Variants in DOK7 observed in about 807,000 individuals in gnomAD.
DOK7 encodes the protein protein Dok-7.
DOK7 carries 32 observed loss-of-function variants against 30.7 expected under a neutral mutation model. The observed-to-expected ratio is 1.04, with a 90% CI of 0.79 to 1.40. The LOEUF (loss-of-function observed/expected upper bound fraction) is 1.40. DOK7 is among the 40% of genes most tolerant of loss of function. The probability of loss-of-function intolerance (pLI) is 0.00; values close to 1 mark genes in which losing one functional copy is unlikely to be tolerated. For missense variants in DOK7, 1,007 were observed against 699.2 expected (o/e 1.44, Z -4.97); for synonymous variants, 447 against 324.1 (o/e 1.38, Z -4.07).
chr4:3,470,079 C>T (rs907140990), intron 2 of DOK7, among the ~76,000 whole-genome samples: 4 of 152,208 alleles, frequency 2.6e-5, no homozygotes, highest in African/African-American at 7.2e-5. Context: ...TCGAGGGGCC[C>T]GTAGGGCCAC....
In DOK7 at chr4:3,493,853, C is replaced by T. The variant is rs180889406; in HGVS notation, c.*352C>T. The T allele has an allele frequency of 5.2e-4, 607 of 1,168,242 alleles. No individual in the cohort carries two copies. Among genetic ancestry groups the T allele is most frequent in the Middle Eastern group, 7.2e-4 (2 of 2,768 alleles). The allele number at this position is 1,168,242 out of a possible 1,614,324, so 72.4% of individuals were successfully genotyped here. A position where few individuals can be genotyped will look rare whatever the true frequency, so the allele number is the denominator to read the frequency against. Reference sequence around the variant, plus strand: ...GGGTGCCAAGGGCTGGAGGCCCTGCCGCTGGCCTTGTCCTCCTTGGGCCTC... The same window carrying T: ...GGGTGCCAAGGGCTGGAGGCCCTGCTGCTGGCCTTGTCCTCCTTGGGCCTC... On this transcript the variant is annotated 3_prime_UTR_variant, in exon 7 of 7. Coordinates refer to ENST00000340083, the MANE Select transcript of DOK7 (RefSeq NM_173660.5).
intron 5 of DOK7, among the ~76,000 whole-genome samples, chr4:3,487,446 G>A (rs568289522): frequency 5.3e-5 from 8 of 152,210 alleles, no homozygotes; most frequent in African/African-American, 1.9e-4. Context: ...TGCTGAGCCC[G>A]CTGTGACCCA....
downstream of DOK7, among the ~76,000 whole-genome samples, chr4:3,498,390 G>A (rs1729028891): frequency 6.6e-6 from 1 of 152,090 alleles, no homozygotes; most frequent in South Asian, 2.1e-4. Context: ...CCCTTTCCCT[G>A]CAGTCAGGCC....
chr4:3,482,012 T>G (rs1036804198), intron 4 of DOK7, among the ~76,000 whole-genome samples: 6 of 152,072 alleles, frequency 3.9e-5, no homozygotes, highest in Admixed American at 6.5e-5. Flanking sequence ...TCTGCTTGTG[T>G]TCTGCTGACT....
downstream of DOK7, among the ~76,000 whole-genome samples, chr4:3,498,579 C>T (rs539893954): frequency 9.8e-5 from 15 of 152,342 alleles, no homozygotes; most frequent in Admixed American, 7.2e-4. Flanking sequence ...CGCCAGGCCC[C>T]GGCGCTCCCT....
chr4:3,463,466 G>A (rs1726088181), intron 1 of DOK7, 37 bp downstream of exon 1: 9 of 1,425,874 alleles, frequency 6.3e-6, no homozygotes, highest in South Asian at 2.9e-5. Flanking sequence ...GGGGGGGCGC[G>A]GGCGCGGGCG....
chr4:3,493,964 C>T lies in DOK7; in HGVS notation c.*463C>T. On this transcript the variant is annotated 3_prime_UTR_variant, in exon 7 of 7. Transcript: ENST00000340083. ...GTTAAGCATCAAGCTACCACAGAGGCTCCGGCCACCTGGGCTCCACCAGCC... is the reference window on the plus strand; with the variant it reads ...GTTAAGCATCAAGCTACCACAGAGGTTCCGGCCACCTGGGCTCCACCAGCC... 7.0e-6 allele frequency: 7 copies of T among 996,644 alleles called. No individual in the cohort carries two copies. The highest frequency in any genetic ancestry group is 8.3e-6 in the Non-Finnish European group (7 of 838,766). The allele number at this position is 996,644 out of a possible 1,614,324, so 61.7% of individuals were successfully genotyped here.
chr4:3,466,232 G>A (rs540961653), intron 2 of DOK7, among the ~76,000 whole-genome samples: 3 of 152,216 alleles, frequency 2.0e-5, no homozygotes, highest in South Asian at 2.1e-4. Flanking sequence ...TGGAAGTTCC[G>A]CGCCTGCCCC....
chr4:3,491,993 C>T (rs190745433), intron 6 of DOK7, among the ~76,000 whole-genome samples: 1 of 152,362 alleles, frequency 6.6e-6, no homozygotes, highest in East Asian at 1.9e-4. Context: ...TCCCCTCCTG[C>T]CCTGCCCCAG....
downstream of DOK7, chr4:3,496,804 G>T: frequency 1.3e-5 from 20 of 1,536,054 alleles, no homozygotes; most frequent in Non-Finnish European, 1.7e-5. Flanking sequence ...ACTGACCCAG[G>T]TTCTCTTTGG....
At chr4:3,478,918 A>C (rs73793933) in intron 4 of DOK7, among the ~76,000 whole-genome samples, 1,735 of 152,166 alleles carry the variant, frequency 0.011, 34 homozygotes, top group African/African-American at 0.039. Flanking sequence ...AGGGACGGGG[A>C]GTCTGCGGCA....
chr4:3,500,699 C>A (rs559555417), exon 8 of DOK7: 1 of 1,535,788 alleles, frequency 6.5e-7, no homozygotes, highest in South Asian at 1.2e-5. Context: ...CAGGGGCTGG[C>A]GCCTCCCTCT....
downstream of DOK7, among the ~76,000 whole-genome samples, chr4:3,496,274 A>AG (rs1272247377): frequency 6.6e-6 from 1 of 152,136 alleles, no homozygotes; most frequent in Non-Finnish European, 1.5e-5. Flanking sequence ...CTGCAGTGTC[A>AG]GGGAACTTTG....
intron 4 of DOK7, among the ~76,000 whole-genome samples, chr4:3,479,474 A>T (rs1164491276): frequency 6.6e-6 from 1 of 152,236 alleles, no homozygotes; most frequent in East Asian, 1.9e-4. Context: ...TTCAGTCTGG[A>T]GGTCACAGCT....
chr4:3,468,921 GTA>G (rs1341421030), intron 2 of DOK7, among the ~76,000 whole-genome samples: 30 of 147,032 alleles, frequency 2.0e-4, no homozygotes, highest in African/African-American at 4.7e-4. Context: ...GTGTATGTGT[GTA>G]TGAGTGTGCG....
At chr4:3,496,655 T>C (rs1249500655), downstream of DOK7, among the ~76,000 whole-genome samples, 1 of 151,248 alleles carries the variant, frequency 6.6e-6, no homozygotes, top group Admixed American at 6.6e-5. Context: ...CAAAGGGCCC[T>C]GGAGAGAAGG....
chr4:3,490,927 C>T (rs1728338680), intron 6 of DOK7, among the ~76,000 whole-genome samples: 1 of 137,160 alleles, frequency 7.3e-6, no homozygotes, highest in Non-Finnish European at 1.5e-5. Context: ...TTCATTCCTT[C>T]CTTCTTCCCC....
chr4:3,477,719 TGG>T (rs1263532018), intron 4 of DOK7, among the ~76,000 whole-genome samples: 1 of 149,974 alleles, frequency 6.7e-6, no homozygotes. Context: ...TCTCGGCCCC[TGG>T]GGCTGGCAGG....
Position 3,473,569 on chromosome 4 carries a change from G to A in DOK7, c.264G>A (p.Met88Ile), listed in dbSNP as rs1244768842. 1.9e-6 allele frequency: 3 copies of A among 1,609,782 alleles called. No homozygotes were observed. The highest frequency in any genetic ancestry group is 2.2e-5 in the East Asian group (1 of 44,822). The change falls in exon 3 of 7, where the codon ATG becomes ATA. Residue 88 changes from methionine (M) to isoleucine (I), a missense_variant. Coordinates refer to ENST00000340083, the MANE Select transcript of DOK7 (RefSeq NM_173660.5). Reference protein sequence around the residue: ...LAIVCLSQAIMLGFDSHEAMC... With the variant: ...LAIVCLSQAIILGFDSHEAMC... ...TTGTCTGCCTGTCCCAGGCCATCAT[G>A]CTGGGCTTTGACAGCCACGAGGCCA... is the stretch of plus-strand genomic sequence containing the variant.
Sources: gnomAD v4.1 joint callset for allele counts (sites outside exome capture counted in the v4.1 genomes callset) on GRCh38, gnomAD v4.1.1 for gene constraint, MANE v1.5 for transcripts, NCBI Gene and HGNC (gene_info 2026-07-23, HGNC 2026-07-21) for gene names.